Variants in SCAPER observed in about 807,000 individuals in gnomAD.
SCAPER encodes S-phase cyclin A associated protein in the ER.
Under a neutral mutation model 182.2 loss-of-function variants are expected in SCAPER, and 98 were observed. That is an observed-to-expected ratio of 0.54 (90% confidence interval 0.46 to 0.64). The LOEUF is 0.64. Among genes scored for constraint, SCAPER ranks in the 30% least tolerant of loss-of-function variants. The probability of loss-of-function intolerance (pLI) is 0.00; values close to 1 mark genes in which losing one functional copy is unlikely to be tolerated. For missense variants in SCAPER, 1,432 were observed against 1,690.0 expected, an observed-to-expected ratio of 0.85 and a Z score of 2.68; for synonymous variants, 605 against 564.6, an observed-to-expected ratio of 1.07 and a Z score of -1.01.
intron 6 of SCAPER, among the ~76,000 whole-genome samples, chr15:76,801,012 C>T (rs150104428): frequency 4.1e-4 from 63 of 152,316 alleles, no homozygotes; most frequent in African/African-American, 1.4e-3. Context: ...TCTTACTCTC[C>T]ATTTCCTTTC....
chr15:76,714,038 C>T (rs897986978), intron 17 of SCAPER, among the ~76,000 whole-genome samples: 3 of 152,028 alleles, frequency 2.0e-5, no homozygotes, highest in Non-Finnish European at 2.9e-5. Context: ...TACACAAATA[C>T]TACTCAGCAA....
At chr15:76,814,511 T>C (rs2066912929) in intron 5 of SCAPER, among the ~76,000 whole-genome samples, 1 of 151,800 alleles carries the variant, frequency 6.6e-6, no homozygotes, top group South Asian at 2.1e-4. Flanking sequence ...AAAAACACAA[T>C]GAGAAAAGGA....
At chr15:76,639,888 G>A (rs1481628633) in intron 21 of SCAPER, among the ~76,000 whole-genome samples, 1 of 152,072 alleles carries the variant, frequency 6.6e-6, no homozygotes, top group Non-Finnish European at 1.5e-5. Context: ...TGTGTTAATT[G>A]TTACTTGTAT....
At chr15:76,397,474 C>T (rs74681821) in intron 27 of SCAPER, among the ~76,000 whole-genome samples, 4 of 71,536 alleles carry the variant, frequency 5.6e-5, no homozygotes, top group East Asian at 4.5e-4. Flanking sequence ...TATTGGCAGA[C>T]TTTTTTTTTT....
chr15:76,793,999 C>T (rs1271845982), intron 8 of SCAPER, among the ~76,000 whole-genome samples: 1 of 152,210 alleles, frequency 6.6e-6, no homozygotes, highest in African/African-American at 2.4e-5. Flanking sequence ...GAAATCCCCA[C>T]ATACTTCATG....
intron 24 of SCAPER, among the ~76,000 whole-genome samples, chr15:76,501,718 G>A (rs996505118): frequency 8.5e-5 from 13 of 152,232 alleles, no homozygotes; most frequent in African/African-American, 2.9e-4. Context: ...CAAGGGCTAA[G>A]GTGGCAAAAG....
In SCAPER at chr15:76,381,515, C is replaced by T; in HGVS notation, c.3568G>A (p.Val1190Ile). ...LAGVLHMLYC[V>I]LFHGTILDPS... Reference sequence around the variant, plus strand: ...TCCAAGATGGTGCCATGGAAGAGGACACAGTAGAGCATATGAAGAACTCCA... The same window carrying T: ...TCCAAGATGGTGCCATGGAAGAGGATACAGTAGAGCATATGAAGAACTCCA... Residue 1190 changes from valine (V) to isoleucine (I), a missense_variant, in exon 28 of 32, where the codon GTC becomes ATC. Around this residue, in one of 5 missense-constraint regions of SCAPER, gnomAD observed 718 missense variants for 799.7 expected, o/e 0.90. Transcript: ENST00000563290. 6.2e-7 allele frequency: 1 copy of T among 1,613,302 alleles called. No individual in the cohort carries two copies. The highest frequency in any genetic ancestry group is 8.5e-7 in the Non-Finnish European group (1 of 1,179,680).
Position 76,404,593 on chromosome 15 carries a change from G to A in SCAPER, c.3398C>T (p.Ala1133Val). 1 of 1,613,424 alleles carries A rather than the reference G, an allele frequency of 6.2e-7. No individual in the cohort carries two copies. The highest frequency in any genetic ancestry group is 8.5e-7 in the Non-Finnish European group (1 of 1,179,756). The change falls in exon 27 of 32, where the codon GCC becomes GTC. Residue 1133 changes from alanine (A) to valine (V), a missense_variant. Around this residue, in one of 5 missense-constraint regions of SCAPER, gnomAD observed 718 missense variants for 799.7 expected, o/e 0.90. Transcript: ENST00000563290. Reference sequence around the variant, plus strand: ...TCCTGCGGCATGCTGCAGAAATATGGCCATCTTGGGATTCTCATCCACTGG... The same window carrying A: ...TCCTGCGGCATGCTGCAGAAATATGACCATCTTGGGATTCTCATCCACTGG... ...QGPVDENPKM[A>V]IFLQHAAGLL...
At chr15:76,835,622 T>TTCA (rs1453412260) in intron 5 of SCAPER, among the ~76,000 whole-genome samples, 3 of 152,130 alleles carry the variant, frequency 2.0e-5, no homozygotes, top group Non-Finnish European at 4.4e-5. Flanking sequence ...CTATTCCCCT[T>TTCA]GAAAACCAGA....
chr15:76,566,913 A>C (rs1390059106), intron 23 of SCAPER, among the ~76,000 whole-genome samples: 1 of 152,094 alleles, frequency 6.6e-6, no homozygotes, highest in Non-Finnish European at 1.5e-5. Context: ...TTTTAATTTG[A>C]ACACTGTGTA....
chr15:76,504,367 G>T (rs1440372532), intron 24 of SCAPER, among the ~76,000 whole-genome samples: 1 of 152,140 alleles, frequency 6.6e-6, no homozygotes, highest in Non-Finnish European at 1.5e-5. Context: ...GCAATTTACC[G>T]TTAAAGACCA....
At chr15:76,574,090 C>G in intron 23 of SCAPER, 68 bp downstream of exon 23, 1 of 1,508,818 alleles carries the variant, frequency 6.6e-7, no homozygotes. Flanking sequence ...CCTTATAGCT[C>G]TATGTACTGT....
intron 20 of SCAPER, among the ~76,000 whole-genome samples, chr15:76,694,549 A>G (rs280014): frequency 0.15 from 23,313 of 152,024 alleles, 2,016 homozygotes; most frequent in African/African-American, 0.24. Context: ...AATAGTTAAG[A>G]TGGCACATTT....
chr15:76,754,355 CT>C (rs1372742786), intron 14 of SCAPER, among the ~76,000 whole-genome samples: 1 of 151,950 alleles, frequency 6.6e-6, no homozygotes, highest in African/African-American at 2.4e-5. Context: ...AATTCTTGTC[CT>C]TATAAATGTT....
intron 17 of SCAPER, among the ~76,000 whole-genome samples, chr15:76,723,931 T>C (rs879778473): frequency 1.3e-5 from 2 of 152,236 alleles, no homozygotes; most frequent in African/African-American, 4.8e-5. Flanking sequence ...CATTTAAGGT[T>C]AGTATTGTTA....
At chr15:76,459,650 GTTTCC>G (rs1201935710) in intron 25 of SCAPER, among the ~76,000 whole-genome samples, 2 of 150,296 alleles carry the variant, frequency 1.3e-5, no homozygotes, top group African/African-American at 4.9e-5. Context: ...TCTGTTGATT[GTTTCC>G]TTTGCTGTGT....
intron 22 of SCAPER, among the ~76,000 whole-genome samples, chr15:76,611,842 C>A (rs2051026291): frequency 6.6e-6 from 1 of 152,096 alleles, no homozygotes; most frequent in Non-Finnish European, 1.5e-5. Flanking sequence ...AAGACAAAAA[C>A]CACATGATTA....
At chr15:76,485,853 C>T (rs939016091) in intron 24 of SCAPER, among the ~76,000 whole-genome samples, 1 of 152,164 alleles carries the variant, frequency 6.6e-6, no homozygotes. Flanking sequence ...TGAAACTGGG[C>T]CCCTTCCTTA....
intron 8 of SCAPER, among the ~76,000 whole-genome samples, chr15:76,785,428 T>C (rs997568775): frequency 2.0e-5 from 3 of 152,214 alleles, no homozygotes; most frequent in Admixed American, 6.5e-5. Flanking sequence ...ACACTGTTGG[T>C]GGGAGTGTAA....
Sources: allele counts gnomAD v4.1 joint callset (sites outside exome capture counted in the v4.1 genomes callset), GRCh38; gene constraint gnomAD v4.1.1; regional missense constraint gnomAD v4.1.1; transcripts MANE v1.5; gene names NCBI Gene and HGNC (gene_info 2026-07-23, HGNC 2026-07-21).